The following DPP6 variants were observed in gnomAD, a reference collection of about 807,000 sequenced individuals.
The protein encoded by DPP6 is A-type potassium channel modulatory protein DPP6.
In DPP6, 69 loss-of-function variants were observed where a neutral mutation model predicts 122.6. The ratio of observed to expected loss-of-function variants is 0.56; its 90% confidence interval spans 0.46 to 0.69. DPP6 has a LOEUF of 0.69. DPP6 is among the 30% of genes least tolerant of loss of function. The probability of loss-of-function intolerance (pLI) is 0.00; values close to 1 mark genes in which losing one functional copy is unlikely to be tolerated. For synonymous variants in DPP6, 418 were observed against 433.1 expected, an observed-to-expected ratio of 0.97 and a Z score of 0.43; for missense variants, 928 against 1,116.9, an observed-to-expected ratio of 0.83 and a Z score of 2.41.
At chr7:154,801,674 T>C (rs1213183363) in intron 13 of DPP6, among the ~76,000 whole-genome samples, 1 of 152,102 alleles carries the variant, frequency 6.6e-6, no homozygotes, top group Non-Finnish European at 1.5e-5. Context: ...CGTGCGAGAA[T>C]GTGAATGACG....
chr7:153,944,629 CT>C (rs2129018019), intron 1 of DPP6, among the ~76,000 whole-genome samples: 1 of 146,652 alleles, frequency 6.8e-6, no homozygotes, highest in South Asian at 2.2e-4. Flanking sequence ...CAGGCCATAA[CT>C]AGGAGGGACC....
intron 1 of DPP6, among the ~76,000 whole-genome samples, chr7:154,245,824 C>A (rs73165279): frequency 0.13 from 19,461 of 151,998 alleles, 1,559 homozygotes; most frequent in Non-Finnish European, 0.18. Flanking sequence ...TGACAGAACT[C>A]AATAAATTCG....
chr7:154,042,773 A>G (rs1351580521), intron 1 of DPP6, among the ~76,000 whole-genome samples: 2 of 152,348 alleles, frequency 1.3e-5, no homozygotes, highest in Non-Finnish European at 2.9e-5. Flanking sequence ...CTCAAAGACC[A>G]ACGACTTCAA....
At chr7:154,156,273 G>T (rs1393706589) in intron 1 of DPP6, among the ~76,000 whole-genome samples, 1 of 152,258 alleles carries the variant, frequency 6.6e-6, no homozygotes, top group Non-Finnish European at 1.5e-5. Flanking sequence ...TGTGAGACTG[G>T]GTCCCAGAAC....
chr7:154,835,489 CCTT>C (rs1004895333), intron 16 of DPP6, among the ~76,000 whole-genome samples: 13 of 152,298 alleles, frequency 8.5e-5, no homozygotes, highest in African/African-American at 2.6e-4. Flanking sequence ...TCCTCCAAAT[CCTT>C]CTTCAACCAC....
intron 8 of DPP6, among the ~76,000 whole-genome samples, chr7:154,730,059 C>T (rs896240087): frequency 3.3e-5 from 5 of 152,200 alleles, no homozygotes; most frequent in Non-Finnish European, 7.3e-5. Flanking sequence ...TGGGGCTTGC[C>T]TGCCCCCTGG....
intron 1 of DPP6, among the ~76,000 whole-genome samples, chr7:154,091,320 C>T (rs1444971433): frequency 6.6e-6 from 1 of 152,146 alleles, no homozygotes; most frequent in Non-Finnish European, 1.5e-5. Context: ...CAGGTAGAAT[C>T]TCAGTCCAGC....
intron 7 of DPP6, among the ~76,000 whole-genome samples, chr7:154,685,906 A>G (rs1047097269): frequency 4.6e-5 from 7 of 152,192 alleles, no homozygotes; most frequent in African/African-American, 9.7e-5. Flanking sequence ...AATATTACCA[A>G]TCTTTAGTGT....
intron 5 of DPP6, among the ~76,000 whole-genome samples, chr7:154,609,046 G>A (rs1451148278): frequency 1.3e-5 from 2 of 152,178 alleles, no homozygotes; most frequent in Non-Finnish European, 2.9e-5. Context: ...CACAACCTCA[G>A]ACCCTAGGCC....
At chr7:154,513,568 G>A (rs1586505440) in intron 3 of DPP6, among the ~76,000 whole-genome samples, 2 of 152,130 alleles carry the variant, frequency 1.3e-5, no homozygotes, top group African/African-American at 4.8e-5. Flanking sequence ...AGGAACTCTA[G>A]GGGTGAAGCA....
In DPP6 at chr7:154,047,036, G is replaced by A. The variant is rs538152940; in HGVS notation, c.51+159302G>A. On this transcript the variant is annotated intron_variant, in intron 1 of 25. Coordinates refer to the DPP6 transcript ENST00000404039. ...TCAGGAAAAGACGTTGCATTTGACTGACCCTATCTTTATCCATTTTGGTTT... is the reference window on the plus strand; with the variant it reads ...TCAGGAAAAGACGTTGCATTTGACTAACCCTATCTTTATCCATTTTGGTTT... 5.2e-3 allele frequency among the ~76,000 whole-genome samples: 787 copies of A among 150,048 alleles called. 4 individuals carry two copies. Among genetic ancestry groups the A allele is most frequent in the Middle Eastern group, 0.01 (3 of 294 alleles).
chr7:153,939,035 A>C (rs568585627), intron 1 of DPP6, among the ~76,000 whole-genome samples: 15 of 152,294 alleles, frequency 9.8e-5, no homozygotes, highest in Admixed American at 2.0e-4. Context: ...CCCCAAATAA[A>C]ATGCATTTTT....
chr7:154,384,291 A>C (rs768346931), intron 1 of DPP6, among the ~76,000 whole-genome samples: 3 of 152,218 alleles, frequency 2.0e-5, no homozygotes, highest in African/African-American at 4.8e-5. Flanking sequence ...GACCTGAATC[A>C]GGAAAGGACA....
chr7:154,451,408 C>T (rs1217357794), intron 2 of DPP6, among the ~76,000 whole-genome samples: 3 of 150,888 alleles, frequency 2.0e-5, no homozygotes, highest in Non-Finnish European at 4.4e-5. Context: ...CCCGGAGCTT[C>T]TTACACCGAA....
the DPP6 span, among the ~76,000 whole-genome samples, chr7:153,840,848 C>A: frequency 6.6e-6 from 1 of 152,170 alleles, no homozygotes; most frequent in Non-Finnish European, 1.5e-5. Flanking sequence ...TAGACGTTTC[C>A]TTCCACCCCG....
chr7:154,619,127 G>T (rs1834467084), intron 5 of DPP6, among the ~76,000 whole-genome samples: 1 of 152,124 alleles, frequency 6.6e-6, no homozygotes, highest in South Asian at 2.1e-4. Context: ...CAGCCATGTG[G>T]AACTGTGACT....
intron 1 of DPP6, among the ~76,000 whole-genome samples, chr7:154,060,273 AGGGACT>A (rs1801535742): frequency 1.7e-5 from 1 of 60,320 alleles, no homozygotes; most frequent in African/African-American, 6.6e-5. Context: ...CCCGCGAGGC[AGGGACT>A]GAGAGGCAAT....
At position 154,218,288 on chromosome 7, in the gene DPP6, C is replaced by T. The variant is rs1162578723; in HGVS notation, c.243+165225C>T. On this transcript the variant is annotated intron_variant, in intron 1 of 25. Transcript: ENST00000377770. ...ATCCACACAACCTCACCCAGCCTTA[C>T]AACAAGTCCTGTCACCCTGAACTGC... Among the ~76,000 whole-genome samples, 8 of 152,284 alleles carry T rather than the reference C, an allele frequency of 5.3e-5. No individual in the cohort carries two copies. The East Asian group carries it at 1.2e-3, about 22-fold the overall frequency.
chr7:154,677,684 C>T (rs1432480873), intron 7 of DPP6, among the ~76,000 whole-genome samples: 1 of 152,196 alleles, frequency 6.6e-6, no homozygotes, highest in Non-Finnish European at 1.5e-5. Flanking sequence ...CATCAGATTT[C>T]AGTGTGACAG....
Sources: allele counts gnomAD v4.1 joint callset (sites outside exome capture counted in the v4.1 genomes callset), GRCh38; gene constraint gnomAD v4.1.1; transcripts MANE v1.5; gene names NCBI Gene and HGNC (gene_info 2026-07-23, HGNC 2026-07-21).